Variants in YES1 observed in about 807,000 individuals in gnomAD.
The protein encoded by YES1 is tyrosine-protein kinase Yes.
A neutral mutation model predicts 70.4 loss-of-function variants in YES1; 39 were observed. That is an observed-to-expected ratio of 0.55 (90% CI 0.43 to 0.72). YES1 has a LOEUF of 0.72. YES1 is among the 30% of genes least tolerant of loss of function. The pLI is 0.00. For synonymous variants in YES1, 198 were observed against 218.6 expected (o/e 0.91, Z 0.83); for missense variants, 495 against 644.8 (o/e 0.77, Z 2.52).
At chr18:726,623 T>C (rs2080022352) in intron 11 of YES1, among the ~76,000 whole-genome samples, 1 of 149,228 alleles carries the variant, frequency 6.7e-6, no homozygotes. Flanking sequence ...CTACTAAAAA[T>C]ATAAAAACTA....
At chr18:759,190 GGCGCGGTGGCTCAC>G (rs1904444399) in intron 1 of YES1, among the ~76,000 whole-genome samples, 1 of 152,236 alleles carries the variant, frequency 6.6e-6, no homozygotes, top group Non-Finnish European at 1.5e-5. Context: ...ACCGGGGCTA[GGCGCGGTGGCTCAC>G]GCCTGTAATC....
At position 756,630 on chromosome 18, in the gene YES1, T is replaced by C. The variant is rs369816057; in HGVS notation, c.198A>G (p.Ser66=). ...ATGCACCTCCAAAAGGCGTTACCCCTGAGGATCCTCCAAATGGTGTCATGG... is the reference window on the plus strand; with the variant it reads ...ATGCACCTCCAAAAGGCGTTACCCCCGAGGATCCTCCAAATGGTGTCATGG... ...SLSMTPFGGS[S]GVTPFGGASS... Residue 66 remains serine (S), a synonymous_variant, in exon 2 of 12, where the codon TCA becomes TCG. Transcript: ENST00000314574. 6 of 1,614,084 alleles carry C rather than the reference T, an allele frequency of 3.7e-6. No homozygotes were observed. In the African/African-American group the frequency reaches 8.0e-5, roughly 22 times the overall value.
chr18:769,262 G>C (rs1905051540), intron 1 of YES1, among the ~76,000 whole-genome samples: 1 of 152,162 alleles, frequency 6.6e-6, no homozygotes, highest in Admixed American at 6.5e-5. Flanking sequence ...AAGTAAATCT[G>C]TATACAAAGT....
intron 2 of YES1, among the ~76,000 whole-genome samples, chr18:754,324 G>A (rs1263380946): frequency 6.6e-6 from 1 of 152,028 alleles, no homozygotes; most frequent in Non-Finnish European, 1.5e-5. Context: ...AAGTCTCTCT[G>A]TATCTCCTAA....
intron 9 of YES1, chr18:738,246 A>G (rs2080175542): frequency 6.6e-6 from 1 of 152,176 alleles, no homozygotes; most frequent in Non-Finnish European, 1.5e-5. Context: ...ACCAAAGCCA[A>G]TAATAAGGCC....
chr18:804,796 C>T (rs1002413211), intron 1 of YES1, among the ~76,000 whole-genome samples: 1 of 149,718 alleles, frequency 6.7e-6, no homozygotes, highest in Non-Finnish European at 1.5e-5. Context: ...CGCCTGTAAT[C>T]CCAGCTACTT....
chr18:811,796 G>A (rs752996411), intron 1 of YES1, among the ~76,000 whole-genome samples: 1 of 152,148 alleles, frequency 6.6e-6, no homozygotes. Flanking sequence ...CCCCGTCGCC[G>A]GGCGGTCCAC....
chr18:749,286 G>T (rs2080315694), intron 3 of YES1, among the ~76,000 whole-genome samples: 1 of 151,914 alleles, frequency 6.6e-6, no homozygotes, highest in Non-Finnish European at 1.5e-5. Context: ...CTGAGGTCAG[G>T]AGTTCGTGAC....
chr18:780,122 G>A (rs1905584826), intron 1 of YES1, among the ~76,000 whole-genome samples: 1 of 152,026 alleles, frequency 6.6e-6, no homozygotes, highest in African/African-American at 2.4e-5. Context: ...CTACTTGGGA[G>A]GATAAGGCAG....
chr18:780,114 A>G (rs1905584158), intron 1 of YES1, among the ~76,000 whole-genome samples: 1 of 152,082 alleles, frequency 6.6e-6, no homozygotes, highest in African/African-American at 2.4e-5. Flanking sequence ...CGCACCTGCT[A>G]CTTGGGAGGA....
chr18:749,733 G>A (rs60315447), intron 3 of YES1, among the ~76,000 whole-genome samples: 6,442 of 151,482 alleles, frequency 0.043, 472 homozygotes, highest in African/African-American at 0.15. Flanking sequence ...GGTGGCGGGC[G>A]CCTGTAGTCC....
chr18:765,921 A>T (rs558147418), intron 1 of YES1, among the ~76,000 whole-genome samples: 1 of 152,344 alleles, frequency 6.6e-6, no homozygotes, highest in African/African-American at 2.4e-5. Flanking sequence ...AAGAATAATA[A>T]GTGAGCCATG....
chr18:788,676 T>C (rs1906088321), intron 1 of YES1, among the ~76,000 whole-genome samples: 1 of 152,210 alleles, frequency 6.6e-6, no homozygotes, highest in Admixed American at 6.5e-5. Flanking sequence ...CCCCGGCACT[T>C]TGGGAGGCCA....
rs991426709 is a variant in YES1 at position 799,956 on chromosome 18, T to C, written c.-9+12158A>G. On this transcript the variant is annotated intron_variant, in intron 1 of 11. Transcript: ENST00000314574. ...TTGCTGGACATATATTTATGGAATA[T>C]GATATAAAAAAACAGAACTCCTATA... is the stretch of plus-strand genomic sequence containing the variant. Among the ~76,000 whole-genome samples, 10 of 152,092 alleles carry C rather than the reference T, an allele frequency of 6.6e-5. No individual in the cohort carries two copies. In the East Asian group the frequency reaches 1.4e-3, roughly 21 times the overall value.
chr18:762,676 C>T (rs1285771618), intron 1 of YES1, among the ~76,000 whole-genome samples: 2 of 152,086 alleles, frequency 1.3e-5, no homozygotes, highest in East Asian at 1.9e-4. Flanking sequence ...ACTCCGGTGA[C>T]GGGTGCACCA....
In YES1 at chr18:745,972, C is replaced by G. The variant is rs762751679; in HGVS notation, c.550G>C (p.Val184Leu). The G allele has an allele frequency of 6.2e-7, 1 of 1,612,874 alleles. No individual in the cohort carries two copies. Among genetic ancestry groups the G allele is most frequent in the Admixed American group, 1.7e-5 (1 of 59,956 alleles). ...NPGNQRGIFL[V>L]RESETTKGAY... ...CCTTTAGTTGTTTCACTCTCTCTTA[C>G]TAAGAAAATACCTCGTTGATTTCCA... Residue 184 changes from valine (V) to leucine (L), a missense_variant, in exon 5 of 12, where the codon GTA becomes CTA. By Grantham distance (32) the Val-to-Leu change is conservative. This residue lies in a region of YES1 where 385 missense variants were observed against 540.9 expected (regional missense o/e 0.71). Coordinates refer to ENST00000314574, the MANE Select transcript of YES1 (RefSeq NM_005433.4).
intron 1 of YES1, among the ~76,000 whole-genome samples, chr18:776,951 T>C (rs1260066289): frequency 6.6e-6 from 1 of 152,208 alleles, no homozygotes; most frequent in African/African-American, 2.4e-5. Flanking sequence ...TTCCCTATCA[T>C]CTACTAATCT....
At chr18:730,832 G>C (rs1274301510) in intron 11 of YES1, among the ~76,000 whole-genome samples, 1 of 152,204 alleles carries the variant, frequency 6.6e-6, no homozygotes, top group African/African-American at 2.4e-5. Context: ...CATTTAAAGT[G>C]ACACTATGTT....
At chr18:790,819 T>C (rs1906207377) in intron 1 of YES1, among the ~76,000 whole-genome samples, 1 of 152,248 alleles carries the variant, frequency 6.6e-6, no homozygotes, top group Non-Finnish European at 1.5e-5. Context: ...ATGTATTTCA[T>C]GGGTATTACA....
Sources: allele counts gnomAD v4.1 joint callset (sites outside exome capture counted in the v4.1 genomes callset), GRCh38; gene constraint gnomAD v4.1.1; regional missense constraint gnomAD v4.1.1; transcripts MANE v1.5; gene names NCBI Gene and HGNC (gene_info 2026-07-23, HGNC 2026-07-21).